The following SUGCT variants were observed in gnomAD, a reference collection of about 807,000 sequenced individuals.
SUGCT encodes the protein succinyl-CoA:glutarate-CoA transferase, also known as succinyl-CoA:glutarate CoA-transferase.
A neutral mutation model predicts 55.0 loss-of-function variants in SUGCT; 41 were observed. The ratio of observed to expected loss-of-function variants is 0.74; its 90% confidence interval spans 0.58 to 0.97. The LOEUF (loss-of-function observed/expected upper bound fraction) is 0.97. Among genes scored for constraint, SUGCT ranks in the 50% least tolerant of loss-of-function variants. The pLI is 0.00. For missense variants in SUGCT, 568 were observed against 547.8 expected (o/e 1.04, Z -0.37); for synonymous variants, 187 against 200.4 (o/e 0.93, Z 0.56).
intron 6 of SUGCT, among the ~76,000 whole-genome samples, chr7:40,227,774 C>T (rs964457683): frequency 1.2e-4 from 18 of 151,642 alleles, no homozygotes; most frequent in Non-Finnish European, 2.4e-4. Flanking sequence ...CTGTGGCTCA[C>T]GTCTGTAATC....
At chr7:40,255,915 C>G (rs1353898419) in intron 7 of SUGCT, among the ~76,000 whole-genome samples, 1 of 152,024 alleles carries the variant, frequency 6.6e-6, no homozygotes, top group Non-Finnish European at 1.5e-5. Context: ...GAATGCTCAC[C>G]TGATATTTGG....
chr7:40,444,001 T>A (rs1327977949), intron 9 of SUGCT, among the ~76,000 whole-genome samples: 1 of 152,188 alleles, frequency 6.6e-6, no homozygotes, highest in Non-Finnish European at 1.5e-5. Flanking sequence ...ATTTCTTGTT[T>A]TTGTCAGGCT....
At chr7:40,252,534 A>G (rs1306454386) in intron 7 of SUGCT, among the ~76,000 whole-genome samples, 2 of 152,236 alleles carry the variant, frequency 1.3e-5, no homozygotes, top group African/African-American at 4.8e-5. Flanking sequence ...CTATTTCAGA[A>G]ATGATAGTCA....
At chr7:40,367,028 A>T (rs1285956344) in intron 9 of SUGCT, among the ~76,000 whole-genome samples, 1 of 152,334 alleles carries the variant, frequency 6.6e-6, no homozygotes, top group East Asian at 1.9e-4. Context: ...ATGTCCAACA[A>T]TGATAGACTG....
chr7:40,534,050 G>A (rs1051419187), intron 12 of SUGCT, among the ~76,000 whole-genome samples: 2 of 152,070 alleles, frequency 1.3e-5, no homozygotes, highest in African/African-American at 4.8e-5. Context: ...TGTGTTAATG[G>A]CATAAGCTTA....
intron 10 of SUGCT, among the ~76,000 whole-genome samples, chr7:40,458,169 A>G (rs929261253): frequency 6.6e-6 from 1 of 152,254 alleles, no homozygotes; most frequent in Non-Finnish European, 1.5e-5. Flanking sequence ...AAATGAAACC[A>G]TTAAATATTT....
intron 12 of SUGCT, among the ~76,000 whole-genome samples, chr7:40,613,289 G>T (rs1211235084): frequency 6.6e-6 from 1 of 152,172 alleles, no homozygotes; most frequent in Non-Finnish European, 1.5e-5. Flanking sequence ...TTCACAGCTG[G>T]AGTCGCTAAA....
intron 11 of SUGCT, among the ~76,000 whole-genome samples, chr7:40,489,806 A>C (rs2151505956): frequency 6.6e-6 from 1 of 152,342 alleles, no homozygotes; most frequent in South Asian, 2.1e-4. Flanking sequence ...CTTCAAGGTC[A>C]GTCCCCAGCA....
At chr7:41,027,309 G>T in the SUGCT span, among the ~76,000 whole-genome samples, 1 of 152,128 alleles carries the variant, frequency 6.6e-6, no homozygotes, top group Non-Finnish European at 1.5e-5. Flanking sequence ...TTAGTGAAGG[G>T]CATCAGCCTT....
the SUGCT span, among the ~76,000 whole-genome samples, chr7:41,024,004 A>G: frequency 2.2e-4 from 33 of 152,346 alleles, no homozygotes; most frequent in Middle Eastern, 6.8e-3. Context: ...TGGTAATGAA[A>G]ATGGCATAAT....
At chr7:40,339,379 T>G (rs1408496344) in intron 9 of SUGCT, among the ~76,000 whole-genome samples, 1 of 152,180 alleles carries the variant, frequency 6.6e-6, no homozygotes, top group African/African-American at 2.4e-5. Context: ...CTCCTTGAGC[T>G]GCGGTGGGCT....
chr7:40,777,601 G>C (rs891162904), intron 13 of SUGCT, among the ~76,000 whole-genome samples: 9 of 152,216 alleles, frequency 5.9e-5, no homozygotes, highest in African/African-American at 2.2e-4. Flanking sequence ...GCTACACTAG[G>C]AGCCAGCCTC....
At chr7:40,843,978 G>C (rs1041842616) in intron 13 of SUGCT, among the ~76,000 whole-genome samples, 3 of 152,084 alleles carry the variant, frequency 2.0e-5, no homozygotes, top group South Asian at 2.1e-4. Context: ...TCGGCCCGCA[G>C]CTCTAAACCC....
rs760541806 is a variant in SUGCT, at chr7:40,736,150, A to G, written c.1090-13284A>G. On this transcript the variant is annotated intron_variant, in intron 12 of 13. Transcript: ENST00000335693. ...GACATACAGTGTGATCACATCTAAT[A>G]TATAGCTAAAATTTGCATTAATTTT... is the stretch of plus-strand genomic sequence containing the variant. Among the ~76,000 whole-genome samples the G allele has an allele frequency of 3.3e-5, 5 of 149,752 alleles. 1 individual carries two copies. The highest frequency in any genetic ancestry group is 1.2e-4 in the African/African-American group (5 of 40,978).
At chr7:40,475,304 C>A (rs1562803000) in intron 11 of SUGCT, among the ~76,000 whole-genome samples, 1 of 152,164 alleles carries the variant, frequency 6.6e-6, no homozygotes, top group Non-Finnish European at 1.5e-5. Flanking sequence ...TCCTCACTAC[C>A]TGAGGTTGAA....
At chr7:40,742,825 G>T (rs1787536529) in intron 12 of SUGCT, among the ~76,000 whole-genome samples, 1 of 152,168 alleles carries the variant, frequency 6.6e-6, no homozygotes, top group South Asian at 2.1e-4. Flanking sequence ...TTTGCCTTCA[G>T]TTATGTAACC....
At chr7:40,489,320 TTC>T (rs1791554982) in intron 11 of SUGCT, among the ~76,000 whole-genome samples, 1 of 152,122 alleles carries the variant, frequency 6.6e-6, no homozygotes, top group Non-Finnish European at 1.5e-5. Flanking sequence ...TTATTTTAAT[TTC>T]TCTGTTACAT....
At chr7:40,902,368 C>T in the SUGCT span, among the ~76,000 whole-genome samples, 154 of 151,982 alleles carry the variant, frequency 1.0e-3, 5 homozygotes, top group East Asian at 0.025. Flanking sequence ...TCACGAGGTC[C>T]GGAGACTGAG....
chr7:40,572,879 T>G (rs1207491105), intron 12 of SUGCT, among the ~76,000 whole-genome samples: 1 of 152,104 alleles, frequency 6.6e-6, no homozygotes, highest in South Asian at 2.1e-4. Context: ...ATCAAACTTC[T>G]GTGAAAGAAG....
Sources: allele counts gnomAD v4.1 joint callset (sites outside exome capture counted in the v4.1 genomes callset), GRCh38; gene constraint gnomAD v4.1.1; transcripts MANE v1.5; gene names NCBI Gene and HGNC (gene_info 2026-07-23, HGNC 2026-07-21).